The following NBR1 variants were observed in gnomAD, a reference collection of about 807,000 sequenced individuals.
NBR1 encodes next to BRCA1 gene 1 protein.
NBR1 carries 59 observed loss-of-function variants against 115.5 expected under a neutral mutation model. The observed-to-expected ratio is 0.51, with a 90% confidence interval of 0.41 to 0.63. NBR1 has a LOEUF of 0.63. Ranked by LOEUF, NBR1 falls within the 30% of genes least tolerant of loss-of-function variation. NBR1 has a pLI of 0.00. For missense variants in NBR1, 1,043 were observed against 1,150.5 expected (o/e 0.91, Z 1.35); for synonymous variants, 373 against 414.7 (o/e 0.90, Z 1.22).
chr17:43,200,436 G>C lies in NBR1; in HGVS notation c.2296G>C (p.Gly766Arg). Reference protein sequence around the residue: ...SQPGLERGAEGKPGVEAGQEP... With the variant: ...SQPGLERGAERKPGVEAGQEP... ...GCCAGGCCTGGAGCGAGGTGCTGAA[G>C]GCAAGCCTGGGGTTGAGGCTGGGCA... Residue 766 changes from glycine (G) to arginine (R), a missense_variant, in exon 17 of 21, where the codon GGC becomes CGC. Physicochemically the swap from Gly to Arg is moderately radical, Grantham distance 125. Coordinates refer to ENST00000590996, the MANE Select transcript of NBR1 (RefSeq NM_005899.5). The C allele has an allele frequency of 6.2e-7, 1 of 1,612,440 alleles. No individual in the cohort carries two copies. The highest frequency in any genetic ancestry group is 8.5e-7 in the Non-Finnish European group (1 of 1,179,198).
intron 20 of NBR1, 78 bp from the exon 21 acceptor site, chr17:43,209,823 T>C: frequency 6.8e-7 from 1 of 1,460,686 alleles, no homozygotes; most frequent in South Asian, 1.5e-5. Flanking sequence ...GCTTGCAAGA[T>C]GATACAAATG....
At chr17:43,188,949 T>G in intron 6 of NBR1, 93 bp from the exon 7 acceptor site, 1 of 905,138 alleles carries the variant, frequency 1.1e-6, no homozygotes, top group Non-Finnish European at 1.8e-6. Context: ...CTTGTATGAT[T>G]TCACAAAAGA....
chr17:43,172,766 G>A (rs1048508185), intron 1 of NBR1, among the ~76,000 whole-genome samples: 1 of 152,094 alleles, frequency 6.6e-6, no homozygotes, highest in African/African-American at 2.4e-5. Context: ...TATTTTACAG[G>A]GCAGTGCATT....
chr17:43,188,032 A>G (rs1057092668), intron 6 of NBR1, among the ~76,000 whole-genome samples: 3 of 151,526 alleles, frequency 2.0e-5, no homozygotes, highest in Non-Finnish European at 2.9e-5. Context: ...CTGGGATTAC[A>G]GGCGCCCACT....
At position 43,209,885 on chromosome 17, in the gene NBR1, G is replaced by C. The variant is rs1193311288; in HGVS notation, c.2728-16G>C. On this transcript the variant is annotated splice_polypyrimidine_tract_variant and intron_variant, in intron 20 of 20. Transcript: ENST00000590996. The stretch of plus-strand genomic sequence containing the variant: ...GAATTTTTTTTTTTTTTTTTGCTTT[G>C]CTTGTCTCTACACAGCCAATAATTT... 1 of 1,300,926 alleles carries C rather than the reference G, an allele frequency of 7.7e-7. No individual in the cohort carries two copies. The highest frequency in any genetic ancestry group is 9.8e-7 in the Non-Finnish European group (1 of 1,022,668). The allele number at this position is 1,300,926 out of a possible 1,614,324, so 80.6% of individuals were successfully genotyped here. A position where few individuals can be genotyped will look rare whatever the true frequency, so the allele number is the denominator to read the frequency against.
At chr17:43,186,743 C>T (rs1475437632) in intron 6 of NBR1, among the ~76,000 whole-genome samples, 1 of 151,956 alleles carries the variant, frequency 6.6e-6, no homozygotes, top group African/African-American at 2.4e-5. Context: ...TTGTTCAACT[C>T]CCACATATCA....
chr17:43,205,965 G>GTCCAGGTGGA (rs1181601734), intron 20 of NBR1, among the ~76,000 whole-genome samples: 1 of 151,180 alleles, frequency 6.6e-6, no homozygotes, highest in Non-Finnish European at 1.5e-5. Context: ...GGATCATGAG[G>GTCCAGGTGGA]TCAGGAGTTC....
chr17:43,203,316 T>C (rs575891345), intron 19 of NBR1, among the ~76,000 whole-genome samples: 12 of 152,202 alleles, frequency 7.9e-5, no homozygotes, highest in Non-Finnish European at 1.0e-4. Context: ...ATTAGGCCAG[T>C]GTCCAGAAAA....
chr17:43,202,155 G>A (rs1232786903), intron 18 of NBR1, among the ~76,000 whole-genome samples: 2 of 146,622 alleles, frequency 1.4e-5, no homozygotes, highest in East Asian at 4.1e-4. Context: ...TCTCCAGCCC[G>A]GGCAACAGTG....
intron 6 of NBR1, among the ~76,000 whole-genome samples, chr17:43,186,972 A>G (rs927715628): frequency 3.3e-5 from 5 of 152,200 alleles, no homozygotes; most frequent in African/African-American, 9.7e-5. Context: ...TAGTGCTGCA[A>G]TAAACATACG....
intron 3 of NBR1, 54 bp from the exon 4 acceptor site, chr17:43,179,340 A>G: frequency 5.1e-6 from 8 of 1,564,660 alleles, no homozygotes; most frequent in Non-Finnish European, 6.1e-6. Flanking sequence ...AGTAACAGAA[A>G]TGCTCAACTG....
In NBR1 at chr17:43,203,666, GGTTT is replaced by G; in HGVS notation, c.2622-14_2622-11del. ...TTGTGTTTGTTTGGGGAGATAATTT[GGTTT>G]TCCTCTGCAGGCACCATCATGGGAG... On this transcript the variant is annotated splice_polypyrimidine_tract_variant and intron_variant, in intron 19 of 20. Coordinates refer to ENST00000590996, the MANE Select transcript of NBR1 (RefSeq NM_005899.5). 1 of 1,551,378 alleles carries G rather than the reference GGTTT, an allele frequency of 6.4e-7. No homozygotes were observed. The highest frequency in any genetic ancestry group is 2.3e-5 in the East Asian group (1 of 44,230).
chr17:43,193,727 G>C (rs1273695440), intron 12 of NBR1, 89 bp downstream of exon 12: 1 of 1,407,096 alleles, frequency 7.1e-7, no homozygotes, highest in Non-Finnish European at 9.5e-7. Flanking sequence ...CTCATAGCTG[G>C]TTGTTTTCCA....
At chr17:43,180,482 G>A (rs1404955469) in intron 4 of NBR1, among the ~76,000 whole-genome samples, 4 of 152,176 alleles carry the variant, frequency 2.6e-5, no homozygotes, top group Non-Finnish European at 5.9e-5. Context: ...TGTGGCAATG[G>A]TTACTGTAGT....
rs35995789 is a variant in NBR1, at chr17:43,200,626, C to T, written c.2468+18C>T. 529,476 of 1,574,894 alleles carry T rather than the reference C, an allele frequency of 0.34. 91,848 individuals are homozygous for T. The highest frequency in any genetic ancestry group is 0.5 in the South Asian group (43,367 of 86,700). The stretch of plus-strand genomic sequence containing the variant: ...CTGCCCAGGTACCACTCACAGCCCC[C>T]TCAGCTGGGGTGTTCTTCAGAGGTG... On this transcript the variant is annotated intron_variant, in intron 17 of 20. Transcript: ENST00000590996.
At chr17:43,188,499 A>C (rs2056870958) in intron 6 of NBR1, among the ~76,000 whole-genome samples, 1 of 152,126 alleles carries the variant, frequency 6.6e-6, no homozygotes, top group African/African-American at 2.4e-5. Flanking sequence ...TTTTGTTGCC[A>C]CTGCTTTTGG....
intron 1 of NBR1, among the ~76,000 whole-genome samples, chr17:43,174,421 C>T (rs1261161221): frequency 1.3e-5 from 2 of 152,134 alleles, no homozygotes; most frequent in East Asian, 3.9e-4. Flanking sequence ...CACGGTGAAA[C>T]CCCGTCTCTA....
At position 43,196,994 on chromosome 17, in the gene NBR1, A is replaced by C; in HGVS notation, c.1914A>C (p.Glu638Asp). 6.2e-7 allele frequency: 1 copy of C among 1,614,040 alleles called. No homozygotes were observed. The highest frequency in any genetic ancestry group is 2.2e-5 in the East Asian group (1 of 44,878). ...RKAENIASVE[E>D]AEEDLSGTQF... ...CTGAGAACATTGCTTCTGTGGAGGAAGCAGAAGAAGACCTGAGTGGGACCC... is the reference window on the plus strand; with the variant it reads ...CTGAGAACATTGCTTCTGTGGAGGACGCAGAAGAAGACCTGAGTGGGACCC... The change falls in exon 16 of 21, where the codon GAA (glutamate) becomes GAC (aspartate). Residue 638 changes from glutamate (E) to aspartate (D), a missense_variant. Transcript: ENST00000590996.
chr17:43,200,722 T>C (rs2057179726), intron 17 of NBR1, 114 bp downstream of exon 17: 4 of 858,756 alleles, frequency 4.7e-6, no homozygotes, highest in Non-Finnish European at 7.1e-6. Context: ...CTATTTTCCA[T>C]AGCAAAGTCT....
Sources: gnomAD v4.1 joint callset for allele counts (sites outside exome capture counted in the v4.1 genomes callset) on GRCh38, gnomAD v4.1.1 for gene constraint, MANE v1.5 for transcripts, NCBI Gene and HGNC (gene_info 2026-07-23, HGNC 2026-07-21) for gene names.